Variants in ADAMTS20 observed in about 807,000 individuals in gnomAD.
ADAMTS20 encodes the protein A disintegrin and metalloproteinase with thrombospondin motifs 20.
Under a neutral mutation model 260.1 loss-of-function variants are expected in ADAMTS20, and 225 were observed. That is an observed-to-expected ratio of 0.87 (90% CI 0.78 to 0.97). The LOEUF (loss-of-function observed/expected upper bound fraction) is 0.97. Ranked by LOEUF, ADAMTS20 falls within the 50% of genes least tolerant of loss-of-function variation. The pLI, the probability that ADAMTS20 is intolerant of heterozygous loss-of-function variation, is 0.00. For missense variants in ADAMTS20, 2,400 were observed against 2,337.7 expected (o/e 1.03, Z -0.55); for synonymous variants, 802 against 769.5 (o/e 1.04, Z -0.70).
chr12:43,372,763 G>C (rs1446561377), intron 36 of ADAMTS20, among the ~76,000 whole-genome samples: 1 of 152,200 alleles, frequency 6.6e-6, no homozygotes, highest in Non-Finnish European at 1.5e-5. Flanking sequence ...ATGGGAGCAT[G>C]AAGAGTTCAT....
At chr12:43,479,211 C>A (rs1942405613) in intron 7 of ADAMTS20, among the ~76,000 whole-genome samples, 1 of 152,136 alleles carries the variant, frequency 6.6e-6, no homozygotes. Context: ...AACTATGTAT[C>A]TAATAAGTTA....
In ADAMTS20 at chr12:43,452,767, A is replaced by G. The variant is rs566058156; in HGVS notation, c.1761-72T>C. 6 of 1,355,540 alleles carry G rather than the reference A, an allele frequency of 4.4e-6. No homozygotes were observed. In the East Asian group the frequency reaches 1.5e-4, roughly 34 times the overall value. 84.0% of individuals were successfully genotyped at this position (1,355,540 alleles called of 1,614,324 possible). On this transcript the variant is annotated intron_variant, in intron 12 of 38. Transcript: ENST00000389420. ...TGTGCCACTTACTTCTAAAAGTTCC[A>G]TTCTTTTCCAGGATCTAGAAAACCA...
intron 3 of ADAMTS20, among the ~76,000 whole-genome samples, chr12:43,506,527 T>A (rs1942844610): frequency 6.6e-6 from 1 of 151,906 alleles, no homozygotes; most frequent in Admixed American, 6.6e-5. Flanking sequence ...TCAGGCTGGA[T>A]GGAGTGCAGT....
At chr12:43,366,056 A>C (rs1227777543) in intron 37 of ADAMTS20, among the ~76,000 whole-genome samples, 1 of 151,912 alleles carries the variant, frequency 6.6e-6, no homozygotes, top group Non-Finnish European at 1.5e-5. Context: ...AGTGATGTTA[A>C]AAAAATCCAA....
chr12:43,418,884 T>C (rs957542231), intron 28 of ADAMTS20, among the ~76,000 whole-genome samples: 1 of 152,184 alleles, frequency 6.6e-6, no homozygotes, highest in African/African-American at 2.4e-5. Context: ...TGAAGTCAAT[T>C]ACTGGTATAT....
chr12:43,469,396 T>G (rs1464897757), intron 7 of ADAMTS20, among the ~76,000 whole-genome samples: 2 of 152,146 alleles, frequency 1.3e-5, no homozygotes, highest in African/African-American at 4.8e-5. Flanking sequence ...ATGAACTGGC[T>G]GGACACCAAA....
chr12:43,521,767 C>T (rs1943075217), intron 3 of ADAMTS20, among the ~76,000 whole-genome samples: 1 of 152,060 alleles, frequency 6.6e-6, no homozygotes, highest in African/African-American at 2.4e-5. Flanking sequence ...TCTTTCATAA[C>T]TGGTCTCTGT....
chr12:43,455,058 C>T (rs986965415), intron 11 of ADAMTS20, among the ~76,000 whole-genome samples: 2 of 152,088 alleles, frequency 1.3e-5, no homozygotes, highest in Admixed American at 6.5e-5. Flanking sequence ...CCATTTTGTC[C>T]TCCCTGCTAC....
intron 28 of ADAMTS20, among the ~76,000 whole-genome samples, chr12:43,410,061 A>C (rs533505686): frequency 5.3e-5 from 8 of 152,370 alleles, no homozygotes; most frequent in African/African-American, 1.9e-4. Context: ...GGATTGACTA[A>C]AGTCAGTTCC....
At chr12:43,490,786 A>G (rs1942588218) in intron 6 of ADAMTS20, among the ~76,000 whole-genome samples, 1 of 152,086 alleles carries the variant, frequency 6.6e-6, no homozygotes, top group African/African-American at 2.4e-5. Context: ...TCATTCTCTC[A>G]TGCAAAATAA....
At position 43,551,284 on chromosome 12, in the gene ADAMTS20, G is replaced by A. The variant is rs570863906; in HGVS notation, c.92-14C>T. ...TCACCAGGGCTTCTGCAACAACAGC[G>A]ACAGGACCAGTGAGCTCCCACGCGT... On this transcript the variant is annotated splice_polypyrimidine_tract_variant and intron_variant, in intron 1 of 38. Transcript: ENST00000389420. The surrounding 1 kb of genome is among the most constrained non-coding windows in gnomAD (Gnocchi z 4.6). 6.2e-7 allele frequency: 1 copy of A among 1,605,502 alleles called. No individual in the cohort carries two copies. The highest frequency in any genetic ancestry group is 2.2e-5 in the East Asian group (1 of 44,692).
At chr12:43,413,359 C>A (rs1473774448) in intron 28 of ADAMTS20, among the ~76,000 whole-genome samples, 1 of 152,042 alleles carries the variant, frequency 6.6e-6, no homozygotes, top group Admixed American at 6.5e-5. Flanking sequence ...TAATAGAAGA[C>A]ATGAACTTTC....
intron 29 of ADAMTS20, among the ~76,000 whole-genome samples, chr12:43,393,393 T>C (rs1048522505): frequency 1.3e-5 from 2 of 152,006 alleles, no homozygotes; most frequent in African/African-American, 2.4e-5. Context: ...TCCAGACAGT[T>C]CATAAATATC....
At chr12:43,422,201 G>C (rs1325032810) in intron 28 of ADAMTS20, among the ~76,000 whole-genome samples, 1 of 151,858 alleles carries the variant, frequency 6.6e-6, no homozygotes, top group East Asian at 1.9e-4. Context: ...GTATCTTAAA[G>C]CTTTCTAATA....
At chr12:43,528,360 A>C (rs1426728751) in intron 3 of ADAMTS20, among the ~76,000 whole-genome samples, 2 of 147,416 alleles carry the variant, frequency 1.4e-5, no homozygotes, top group East Asian at 2.0e-4. Flanking sequence ...AAAAAAAAAA[A>C]AAAAAAAAAA....
At chr12:43,529,522 G>A (rs985135029) in intron 3 of ADAMTS20, among the ~76,000 whole-genome samples, 11 of 152,076 alleles carry the variant, frequency 7.2e-5, no homozygotes, top group African/African-American at 2.2e-4. Context: ...TGGAGCTGGG[G>A]GCCATCATTC....
rs551169111 is a variant in ADAMTS20 at position 43,446,629 on chromosome 12, C to T, written c.2163G>A (p.Lys721=). 7.4e-5 allele frequency: 120 copies of T among 1,613,310 alleles called. 1 individual carries two copies. The South Asian group carries it at 1.3e-3, about 17-fold the overall frequency. Residue 721 remains lysine (K), a synonymous_variant, in exon 15 of 39, where the codon AAG becomes AAA. Coordinates refer to ENST00000389420, the MANE Select transcript of ADAMTS20 (RefSeq NM_025003.5). The part of the protein sequence containing the change: ...GVCGGDNSSC[K]TITGVFNSSH... ...AACTGTTGAAGACACCTGTTATTGT[C>T]TTGCATGAAGAGTTGTCCCCACCAC...
At position 43,483,212 on chromosome 12, in the gene ADAMTS20, C is replaced by T. The variant is rs1385205179; in HGVS notation, c.1117+7183G>A. Among the ~76,000 whole-genome samples the T allele has an allele frequency of 3.3e-5, 5 of 152,272 alleles. 1 individual carries two copies. In the South Asian group the frequency reaches 6.2e-4, roughly 19 times the overall value. On this transcript the variant is annotated intron_variant, in intron 7 of 38. Coordinates refer to ENST00000389420, the MANE Select transcript of ADAMTS20 (RefSeq NM_025003.5). ...CAGCACCAACCTGGGGTGTGGCAGC[C>T]TCACTGGGCAGCTAGACCCAAAGAA...
intron 31 of ADAMTS20, 57 bp from the exon 32 acceptor site, chr12:43,377,619 T>A (rs950126122): frequency 1.4e-6 from 2 of 1,394,724 alleles, no homozygotes; most frequent in Admixed American, 2.0e-5. Context: ...CAGGGCCTAA[T>A]ATTTGTCAGA....
Sources: allele counts gnomAD v4.1 joint callset (sites outside exome capture counted in the v4.1 genomes callset), GRCh38; gene constraint gnomAD v4.1.1; non-coding constraint Gnocchi (gnomAD v3.1); transcripts MANE v1.5; gene names NCBI Gene and HGNC (gene_info 2026-07-23, HGNC 2026-07-21).